The following DLEU7 variants were observed in gnomAD, a reference collection of about 807,000 sequenced individuals.
DLEU7 encodes leukemia-associated protein 7.
DLEU7 carries 17 observed loss-of-function variants against 16.0 expected under a neutral mutation model. The ratio of observed to expected loss-of-function variants is 1.06; its 90% CI spans 0.73 to 1.59. The LOEUF is 1.59. Among genes scored for constraint, DLEU7 ranks in the 40% most tolerant of loss-of-function variants. The probability of loss-of-function intolerance (pLI) is 0.00; values close to 1 mark genes in which losing one functional copy is unlikely to be tolerated. For missense variants in DLEU7, 308 were observed against 314.9 expected, an observed-to-expected ratio of 0.98 and a Z score of 0.17; for synonymous variants, 113 against 139.8, an observed-to-expected ratio of 0.81 and a Z score of 1.35.
intron 1 of DLEU7, among the ~76,000 whole-genome samples, chr13:50,746,480 A>G (rs539789978): frequency 6.6e-6 from 1 of 152,228 alleles, no homozygotes; most frequent in African/African-American, 2.4e-5. Flanking sequence ...AGAATAGGTA[A>G]GCTATCAAAA....
At chr13:50,728,525 C>T (rs1873828252) in intron 1 of DLEU7, among the ~76,000 whole-genome samples, 1 of 152,032 alleles carries the variant, frequency 6.6e-6, no homozygotes, top group African/African-American at 2.4e-5. Context: ...TGCTACACTC[C>T]CCAAAAGTGT....
rs181191224 is a variant in DLEU7, at chr13:50,830,550, C to A, written c.460-7030G>T. ...CATAATTTAAGCACAGCACAGGGTT[C>A]ATGCAAAGCTCATTCTGTCATGTGA... is the stretch of plus-strand genomic sequence containing the variant. On this transcript the variant is annotated intron_variant, in intron 1 of 1. Coordinates refer to ENST00000504404, the MANE Select transcript of DLEU7 (RefSeq NM_001306135.2). Among the ~76,000 whole-genome samples the A allele has an allele frequency of 1.0e-3, 153 of 152,314 alleles. 1 individual carries two copies. Among genetic ancestry groups the A allele is most frequent in the African/African-American group, 3.4e-3 (142 of 41,572 alleles).
chr13:50,763,242 A>G (rs1261908762), intron 1 of DLEU7, among the ~76,000 whole-genome samples: 1 of 152,118 alleles, frequency 6.6e-6, no homozygotes, highest in Non-Finnish European at 1.5e-5. Context: ...TGTAATAAGG[A>G]GGCTGGATCT....
chr13:50,784,700 G>C (rs993109818), intron 1 of DLEU7, among the ~76,000 whole-genome samples: 2 of 152,192 alleles, frequency 1.3e-5, no homozygotes, highest in Admixed American at 1.3e-4. Flanking sequence ...CTCCCTAGCG[G>C]TGACCTTAGA....
In DLEU7 at chr13:50,786,667, T is replaced by A. The variant is rs1020072342; in HGVS notation, c.459+56521A>T. On this transcript the variant is annotated intron_variant, in intron 1 of 1. Transcript: ENST00000400393. ...TCTCTCTGTCCTTGGGCAAACCCCATAATTTCTCTGTGCAAATGATAATTT... is the reference window on the plus strand; with the variant it reads ...TCTCTCTGTCCTTGGGCAAACCCCAAAATTTCTCTGTGCAAATGATAATTT... Among the ~76,000 whole-genome samples, 3 of 152,216 alleles carry A rather than the reference T, an allele frequency of 2.0e-5. No homozygotes were observed. The East Asian group carries it at 5.8e-4, about 29-fold the overall frequency.
chr13:50,727,839 C>T (rs564816989), intron 1 of DLEU7, among the ~76,000 whole-genome samples: 57 of 152,360 alleles, frequency 3.7e-4, no homozygotes, highest in African/African-American at 1.2e-3. Context: ...CACTCGGTGT[C>T]AACGCCAGGC....
intron 1 of DLEU7, among the ~76,000 whole-genome samples, chr13:50,792,762 T>TC (rs1006450900): frequency 2.5e-5 from 1 of 39,976 alleles, no homozygotes; most frequent in Non-Finnish European, 8.3e-5. Flanking sequence ...AAGGCCTCCC[T>TC]TACCCAATCA....
At chr13:50,791,256 G>A (rs1020175202) in intron 1 of DLEU7, among the ~76,000 whole-genome samples, 6 of 152,092 alleles carry the variant, frequency 3.9e-5, no homozygotes, top group African/African-American at 1.4e-4. Context: ...GGGTCAGGCA[G>A]GGTTGTACAC....
At chr13:50,748,869 G>A (rs1874480590) in intron 1 of DLEU7, among the ~76,000 whole-genome samples, 1 of 152,144 alleles carries the variant, frequency 6.6e-6, no homozygotes, top group African/African-American at 2.4e-5. Context: ...CCTCTTTCAT[G>A]TCTTCAGTCA....
intron 1 of DLEU7, among the ~76,000 whole-genome samples, chr13:50,806,943 C>T (rs1876405520): frequency 7.7e-6 from 1 of 129,038 alleles, no homozygotes; most frequent in African/African-American, 3.8e-5. Context: ...ACTCACTGCA[C>T]TCTAGCCTGG....
At chr13:50,785,522 C>A (rs1340085713) in intron 1 of DLEU7, among the ~76,000 whole-genome samples, 1 of 152,160 alleles carries the variant, frequency 6.6e-6, no homozygotes, top group Non-Finnish European at 1.5e-5. Flanking sequence ...ATAGTCCTTA[C>A]AGCCTTATCC....
chr13:50,792,053 A>G (rs1875974743), intron 1 of DLEU7, among the ~76,000 whole-genome samples: 1 of 152,332 alleles, frequency 6.6e-6, no homozygotes, highest in East Asian at 1.9e-4. Context: ...TTTCTTTCAT[A>G]CATGAGCTCT....
intron 1 of DLEU7, among the ~76,000 whole-genome samples, chr13:50,755,587 C>G (rs1199070278): frequency 6.6e-6 from 1 of 151,988 alleles, no homozygotes; most frequent in South Asian, 2.1e-4. Context: ...ATATTTCTCC[C>G]TTCACTTCTT....
rs147569719 is a variant in DLEU7 at position 50,796,663 on chromosome 13, A to C, written c.459+46525T>G. Among the ~76,000 whole-genome samples the C allele has an allele frequency of 2.2e-3, 330 of 152,294 alleles. 1 individual carries two copies. The highest frequency in any genetic ancestry group is 7.5e-3 in the African/African-American group (312 of 41,572). On this transcript the variant is annotated intron_variant, in intron 1 of 1. Transcript: ENST00000400393. ...CATGTGACTCCACTCCCACTCAGTC[A>C]TGTGACTGAGCTCTGGCCAATGGAA...
chr13:50,812,090 T>A (rs1224362212), intron 1 of DLEU7, among the ~76,000 whole-genome samples: 3 of 117,988 alleles, frequency 2.5e-5, no homozygotes, highest in Non-Finnish European at 1.9e-5. Flanking sequence ...AAAAAAAAAA[T>A]CTGTAAGATG....
chr13:50,790,426 C>CA (rs1211520012), intron 1 of DLEU7, among the ~76,000 whole-genome samples: 1 of 152,100 alleles, frequency 6.6e-6, no homozygotes, highest in Non-Finnish European at 1.5e-5. Flanking sequence ...GGTGCCCTCT[C>CA]AGGCCCGCAA....
chr13:50,776,388 G>A lies in DLEU7; in HGVS notation c.460-63148C>T, dbSNP rs115064391. Among the ~76,000 whole-genome samples, 671 of 152,310 alleles carry A rather than the reference G, an allele frequency of 4.4e-3. 4 individuals are homozygous for A. The highest frequency in any genetic ancestry group is 0.015 in the African/African-American group (637 of 41,560). ...GGGCACACTTTTCACTAATTTCTTA[G>A]CTTCAGGATTCCTGCACCTTTGTGA... On this transcript the variant is annotated intron_variant, in intron 1 of 1. Coordinates refer to the DLEU7 transcript ENST00000400393.
intron 1 of DLEU7, among the ~76,000 whole-genome samples, chr13:50,801,045 T>C (rs1876232042): frequency 6.6e-6 from 1 of 152,162 alleles, no homozygotes; most frequent in African/African-American, 2.4e-5. Context: ...GCTTTTCACA[T>C]TTCATAGAAA....
At position 50,830,546 on chromosome 13, in the gene DLEU7, G is replaced by T. The variant is rs866706099; in HGVS notation, c.460-7026C>A. On this transcript the variant is annotated intron_variant, in intron 1 of 1. Coordinates refer to ENST00000504404, the MANE Select transcript of DLEU7 (RefSeq NM_001306135.2). ...CAATCATAATTTAAGCACAGCACAG[G>T]GTTCATGCAAAGCTCATTCTGTCAT... 5.3e-5 allele frequency among the ~76,000 whole-genome samples: 8 copies of T among 152,220 alleles called. 1 individual carries two copies. The Middle Eastern group carries it at 0.024, about 453-fold the overall frequency.
Sources: gnomAD v4.1 joint callset for allele counts (sites outside exome capture counted in the v4.1 genomes callset) on GRCh38, gnomAD v4.1.1 for gene constraint, MANE v1.5 for transcripts, NCBI Gene and HGNC (gene_info 2026-07-23, HGNC 2026-07-21) for gene names.